FRMD6: variants seen among roughly 807,000 people sequenced by gnomAD.
FRMD6 encodes FERM domain containing 6.
A neutral mutation model predicts 73.2 loss-of-function variants in FRMD6; 37 were observed. That is an observed-to-expected ratio of 0.51 (90% CI 0.39 to 0.66). The LOEUF is 0.66. Ranked by LOEUF, FRMD6 falls within the 30% of genes least tolerant of loss-of-function variation. FRMD6 has a pLI of 0.00. For missense variants in FRMD6, 714 were observed against 780.5 expected, an observed-to-expected ratio of 0.91 and a Z score of 1.02; for synonymous variants, 273 against 282.2, an observed-to-expected ratio of 0.97 and a Z score of 0.33.
chr14:51,403,962 T>C, the FRMD6 span, among the ~76,000 whole-genome samples: 1 of 152,204 alleles, frequency 6.6e-6, no homozygotes, highest in Non-Finnish European at 1.5e-5. Flanking sequence ...CTTGTGAATC[T>C]CCAAATTTAT....
At chr14:51,506,050 G>GTACAC (rs71121648) in intron 1 of FRMD6, among the ~76,000 whole-genome samples, 3,152 of 152,200 alleles carry the variant, frequency 0.021, 50 homozygotes, top group Middle Eastern at 0.037. Flanking sequence ...AAACTCTGTA[G>GTACAC]TACACTACAC....
chr14:51,711,650 C>A, intron 8 of FRMD6, 54 bp downstream of exon 8: 1 of 1,302,982 alleles, frequency 7.7e-7, no homozygotes, highest in Non-Finnish European at 1.1e-6. Context: ...CTGTTTACAG[C>A]ATGCCTCTGT....
the FRMD6 span, among the ~76,000 whole-genome samples, chr14:51,420,840 T>A: frequency 2.0e-5 from 3 of 152,170 alleles, no homozygotes; most frequent in African/African-American, 7.2e-5. Flanking sequence ...AGTGGCACAA[T>A]CTCCACTCAC....
intron 11 of FRMD6, among the ~76,000 whole-genome samples, chr14:51,720,878 C>T (rs1372987619): frequency 1.3e-5 from 2 of 152,182 alleles, no homozygotes; most frequent in Admixed American, 1.3e-4. Context: ...AGAAATATAG[C>T]ACCTGGTTGA....
chr14:51,576,863 A>G (rs867486076), intron 2 of FRMD6, among the ~76,000 whole-genome samples: 1 of 152,156 alleles, frequency 6.6e-6, no homozygotes, highest in Non-Finnish European at 1.5e-5. Flanking sequence ...CACTGGCCAC[A>G]TGATGTTAGA....
chr14:51,666,287 C>T (rs1444824506), intron 1 of FRMD6, among the ~76,000 whole-genome samples: 3 of 152,276 alleles, frequency 2.0e-5, no homozygotes, highest in Middle Eastern at 3.4e-3. Context: ...TGCGTCATTA[C>T]TATGTGCCGT....
chr14:51,533,941 A>G (rs1409294743), intron 1 of FRMD6, among the ~76,000 whole-genome samples: 1 of 152,166 alleles, frequency 6.6e-6, no homozygotes, highest in African/African-American at 2.4e-5. Context: ...TTTCAATTAT[A>G]GTAAGACCAA....
chr14:51,410,545 A>G, the FRMD6 span, among the ~76,000 whole-genome samples: 1 of 152,266 alleles, frequency 6.6e-6, no homozygotes, highest in African/African-American at 2.4e-5. Flanking sequence ...GCATATTTTA[A>G]GACTACCTGT....
chr14:51,656,038 C>T (rs1892797161), intron 1 of FRMD6, among the ~76,000 whole-genome samples: 1 of 152,142 alleles, frequency 6.6e-6, no homozygotes, highest in South Asian at 2.1e-4. Flanking sequence ...GCTGTGGGAC[C>T]AGAGGGGGCT....
the FRMD6 span, among the ~76,000 whole-genome samples, chr14:51,442,842 G>A: frequency 6.6e-6 from 1 of 152,178 alleles, no homozygotes; most frequent in South Asian, 2.1e-4. Context: ...ACATGTTGAA[G>A]CTTTATGTTC....
At chr14:51,436,527 T>C in the FRMD6 span, 7 of 653,584 alleles carry the variant, frequency 1.1e-5, no homozygotes, top group African/African-American at 7.4e-5. Context: ...AGGTGATCCA[T>C]CTTCAAAGTC....
intron 1 of FRMD6, among the ~76,000 whole-genome samples, chr14:51,666,580 A>G (rs1054000345): frequency 2.6e-5 from 4 of 152,212 alleles, no homozygotes; most frequent in African/African-American, 9.6e-5. Context: ...TGAATTCTGA[A>G]TTCCTTAACT....
chr14:51,458,798 G>T, the FRMD6 span, among the ~76,000 whole-genome samples: 1 of 152,174 alleles, frequency 6.6e-6, no homozygotes, highest in African/African-American at 2.4e-5. Flanking sequence ...TGTACTCTAG[G>T]TCTTAGTGAT....
Position 51,702,517 on chromosome 14 carries a change from C to G in FRMD6, c.300C>G (p.Ile100Met), listed in dbSNP as rs375670834. 1.9e-6 allele frequency: 3 copies of G among 1,611,178 alleles called. No individual in the cohort carries two copies. Among genetic ancestry groups the G allele is most frequent in the Non-Finnish European group, 1.7e-6 (2 of 1,178,036 alleles). The change falls in exon 5 of 14, where the codon ATC (isoleucine) becomes ATG (methionine). Residue 100 changes from isoleucine (I) to methionine (M), a missense_variant. By Grantham distance (10) the Ile-to-Met change is conservative. Coordinates refer to ENST00000344768, the MANE Select transcript of FRMD6 (RefSeq NM_001267046.2). ...KVRQYEVTWG[I>M]DQFGPPMIIH... ...GTGTGTGCTTTTGTTTCTAGGGTAT[C>G]GACCAATTTGGGCCTCCTATGATCA...
upstream of FRMD6, chr14:51,651,173 A>T (rs899878158): frequency 2.0e-5 from 3 of 152,528 alleles, no homozygotes; most frequent in African/African-American, 7.2e-5. Flanking sequence ...CTGAGGGGCC[A>T]TGGGCACTAA....
chr14:51,723,721 C>G (rs10141327), intron 12 of FRMD6, among the ~76,000 whole-genome samples: 42,519 of 149,758 alleles, frequency 0.28, 6,433 homozygotes, highest in African/African-American at 0.38. Flanking sequence ...GTTGCAGTGA[C>G]CCAAGATTGT....
chr14:51,615,240 A>T (rs1176373320), intron 2 of FRMD6, among the ~76,000 whole-genome samples: 1 of 152,232 alleles, frequency 6.6e-6, no homozygotes, highest in Non-Finnish European at 1.5e-5. Context: ...TAAAGCATTG[A>T]CTGTGTTAGG....
the FRMD6 span, among the ~76,000 whole-genome samples, chr14:51,464,650 A>C: frequency 6.6e-6 from 1 of 152,142 alleles, no homozygotes; most frequent in Non-Finnish European, 1.5e-5. Flanking sequence ...CTTCTCCATA[A>C]TAGTGAAAGA....
chr14:51,435,662 A>T, the FRMD6 span, among the ~76,000 whole-genome samples: 1 of 152,182 alleles, frequency 6.6e-6, no homozygotes, highest in Non-Finnish European at 1.5e-5. Context: ...GGAAGGGGAG[A>T]TAAGGAAAGG....
Sources: gnomAD v4.1 joint callset for allele counts (sites outside exome capture counted in the v4.1 genomes callset) on GRCh38, gnomAD v4.1.1 for gene constraint, MANE v1.5 for transcripts, NCBI Gene and HGNC (gene_info 2026-07-23, HGNC 2026-07-21) for gene names.